NRXN1: variants seen among roughly 807,000 people sequenced by gnomAD.
The protein encoded by NRXN1 is neurexin-1.
In NRXN1, 39 loss-of-function variants were observed where a neutral mutation model predicts 150.9. That is an observed-to-expected ratio of 0.26 (90% CI 0.20 to 0.34). The LOEUF (loss-of-function observed/expected upper bound fraction) is 0.34. NRXN1 is among the 10% of genes least tolerant of loss of function. The pLI, the probability that NRXN1 is intolerant of heterozygous loss-of-function variation, is 1.00. For missense variants in NRXN1, 1,815 were observed against 1,949.9 expected, an observed-to-expected ratio of 0.93 and a Z score of 1.30; for synonymous variants, 924 against 757.0, an observed-to-expected ratio of 1.22 and a Z score of -3.62.
intron 3 of NRXN1, among the ~76,000 whole-genome samples, chr2:50,923,162 A>G (rs1686330542): frequency 6.6e-6 from 1 of 151,436 alleles, no homozygotes; most frequent in South Asian, 2.1e-4. Flanking sequence ...TTAAATGAAG[A>G]AAAAAAAATT....
chr2:50,389,346 A>G (rs1193740847), intron 17 of NRXN1, among the ~76,000 whole-genome samples: 2 of 150,650 alleles, frequency 1.3e-5, no homozygotes, highest in African/African-American at 2.4e-5. Context: ...ATTTAGTCCA[A>G]TGATAATTCT....
intron 17 of NRXN1, among the ~76,000 whole-genome samples, chr2:50,414,928 C>A (rs2083433796): frequency 6.6e-6 from 1 of 151,998 alleles, no homozygotes; most frequent in Non-Finnish European, 1.5e-5. Flanking sequence ...ACAAACCATA[C>A]ATATATAACA....
chr2:51,004,569 G>A (rs1179736720), intron 2 of NRXN1, among the ~76,000 whole-genome samples: 2 of 151,900 alleles, frequency 1.3e-5, no homozygotes, highest in East Asian at 3.9e-4. Flanking sequence ...CTTGAACCTG[G>A]GAGGCAGAGG....
intron 17 of NRXN1, among the ~76,000 whole-genome samples, chr2:50,281,034 G>A (rs914060830): frequency 1.3e-5 from 2 of 151,868 alleles, no homozygotes; most frequent in Admixed American, 1.3e-4. Context: ...GCCGGGCGCG[G>A]TGGCTCATGC....
chr2:50,105,760 A>G (rs915064328), intron 18 of NRXN1, among the ~76,000 whole-genome samples: 8 of 151,988 alleles, frequency 5.3e-5, no homozygotes, highest in Admixed American at 1.3e-4. Context: ...CAGGTGTTCC[A>G]TGTGTCATGA....
intron 21 of NRXN1, among the ~76,000 whole-genome samples, chr2:50,046,436 T>A (rs1691825464): frequency 6.6e-6 from 1 of 152,212 alleles, no homozygotes; most frequent in Non-Finnish European, 1.5e-5. Context: ...AAAATAGCTT[T>A]AAAGGTAAGA....
At chr2:50,067,301 A>G (rs1029912128) in intron 19 of NRXN1, among the ~76,000 whole-genome samples, 1 of 152,210 alleles carries the variant, frequency 6.6e-6, no homozygotes, top group Non-Finnish European at 1.5e-5. Flanking sequence ...TGTTTTACAC[A>G]AAGATTTGTA....
rs184903007 is a variant in NRXN1 at position 49,974,035 on chromosome 2, T to A, written c.4129-30244A>T. The A allele has an allele frequency of 8.8e-4, 631 of 717,450 alleles. 4 individuals carry two copies. The African/African-American group carries it at 0.01, about 11-fold the overall frequency. 44.4% of individuals were successfully genotyped at this position (717,450 alleles called of 1,614,324 possible). On this transcript the variant is annotated intron_variant, in intron 21 of 22. Transcript: ENST00000401669. The stretch of plus-strand genomic sequence containing the variant: ...GCTACCCTGCGTGCTTAGAGCTTTT[T>A]TCTTAATTCTTAATGGAAATCCTAG...
chr2:50,953,055 G>A (rs1181917409), intron 2 of NRXN1, among the ~76,000 whole-genome samples: 1 of 152,182 alleles, frequency 6.6e-6, no homozygotes, highest in Non-Finnish European at 1.5e-5. Flanking sequence ...TGGCAAGAAA[G>A]GGCAGGTGAA....
chr2:50,072,859 A>G (rs1269130785), intron 19 of NRXN1, among the ~76,000 whole-genome samples: 2 of 152,188 alleles, frequency 1.3e-5, no homozygotes, highest in African/African-American at 2.4e-5. Flanking sequence ...CCTAAAACAA[A>G]AAGACTTGAG....
chr2:50,660,834 G>A (rs916384001), intron 5 of NRXN1, among the ~76,000 whole-genome samples: 5 of 152,002 alleles, frequency 3.3e-5, no homozygotes, highest in Non-Finnish European at 7.4e-5. Context: ...TATATATGGT[G>A]TTTCAAATAT....
In NRXN1 at chr2:49,921,574, T is replaced by C. The variant is rs1349454457; in HGVS notation, c.*370A>G. On this transcript the variant is annotated 3_prime_UTR_variant, in exon 23 of 23. Transcript: ENST00000401669. ...AATCCAGGATCATAGGTAGCTTCTT[T>C]TTTGTGTTATGTTTTGTGTTGGTTT... 1 of 188,732 alleles carries C rather than the reference T, an allele frequency of 5.3e-6. No individual in the cohort carries two copies. The highest frequency in any genetic ancestry group is 1.1e-5 in the Non-Finnish European group (1 of 91,256). 11.7% of individuals were successfully genotyped at this position (188,732 alleles called of 1,614,324 possible).
intron 22 of NRXN1, among the ~76,000 whole-genome samples, chr2:49,935,281 G>A (rs1466807530): frequency 2.0e-5 from 3 of 152,144 alleles, no homozygotes; most frequent in African/African-American, 7.2e-5. Context: ...GCCAAATTGA[G>A]ATTTGAACAC....
chr2:50,099,221 C>G (rs749441468), intron 18 of NRXN1, among the ~76,000 whole-genome samples: 10 of 151,956 alleles, frequency 6.6e-5, no homozygotes, highest in Non-Finnish European at 1.3e-4. Flanking sequence ...TTTTTATATG[C>G]CCATTTCAAC....
At chr2:50,586,645 T>C (rs1019754003) in intron 8 of NRXN1, among the ~76,000 whole-genome samples, 6 of 152,160 alleles carry the variant, frequency 3.9e-5, no homozygotes, top group Non-Finnish European at 7.4e-5. Flanking sequence ...TTCACAAGCA[T>C]ACCCTTATTA....
At chr2:50,849,809 T>C (rs1389824863) in intron 5 of NRXN1, among the ~76,000 whole-genome samples, 1 of 152,174 alleles carries the variant, frequency 6.6e-6, no homozygotes, top group Non-Finnish European at 1.5e-5. Context: ...TGGAAACTTC[T>C]CTGTTAATAT....
intron 2 of NRXN1, among the ~76,000 whole-genome samples, chr2:51,002,110 AT>A: frequency 6.6e-6 from 1 of 152,086 alleles, no homozygotes. Flanking sequence ...AGGTTTAACT[AT>A]TTTTTCAGGT....
intron 18 of NRXN1, among the ~76,000 whole-genome samples, chr2:50,115,587 C>T (rs990675638): frequency 6.6e-6 from 1 of 151,916 alleles, no homozygotes; most frequent in Admixed American, 6.6e-5. Context: ...GATACGAACC[C>T]AGTCCTGTCC....
At chr2:50,030,645 T>C (rs1321933681) in intron 21 of NRXN1, among the ~76,000 whole-genome samples, 3 of 152,168 alleles carry the variant, frequency 2.0e-5, no homozygotes, top group African/African-American at 7.2e-5. Flanking sequence ...AAACTTTGTC[T>C]AGCACATTTT....
Sources: allele counts gnomAD v4.1 joint callset (sites outside exome capture counted in the v4.1 genomes callset), GRCh38; gene constraint gnomAD v4.1.1; transcripts MANE v1.5; gene names NCBI Gene and HGNC (gene_info 2026-07-23, HGNC 2026-07-21).